NRK: variants seen among roughly 807,000 people sequenced by gnomAD.
The protein encoded by NRK is nik-related protein kinase.
A neutral mutation model predicts 125.2 loss-of-function variants in NRK; 67 were observed. The ratio of observed to expected loss-of-function variants is 0.54; its 90% CI spans 0.44 to 0.66. The LOEUF is 0.66. Ranked by LOEUF, NRK falls within the 30% of genes least tolerant of loss-of-function variation. The pLI, the probability that NRK is intolerant of heterozygous loss-of-function variation, is 0.00. For synonymous variants in NRK, 458 were observed against 429.0 expected (o/e 1.07, Z -0.84); for missense variants, 1,224 against 1,192.9 (o/e 1.03, Z -0.38).
intron 15 of NRK, among the ~76,000 whole-genome samples, chrX:105,917,184 G>A (rs1448064924): frequency 9.0e-6 from 1 of 110,794 alleles, no homozygotes; most frequent in Non-Finnish European, 1.9e-5. Context: ...AATAACAATA[G>A]AATATATGAC....
At position 105,905,255 on chromosome X, in the gene NRK, C is replaced by G. The variant is rs1416017375; in HGVS notation, c.767-10C>G. 5 of 1,185,208 alleles carry G rather than the reference C, an allele frequency of 4.2e-6. No individual in the cohort carries two copies. Among genetic ancestry groups the G allele is most frequent in the Non-Finnish European group, 5.7e-6 (5 of 873,825 alleles). ...TCATTCTTTCTAAATTTATCTATTT[C>G]CCTTTGCAGCTCTGTGTAACCTTCA... On this transcript the variant is annotated splice_polypyrimidine_tract_variant and intron_variant, in intron 9 of 28. Transcript: ENST00000243300.
intron 2 of NRK, 48 bp downstream of exon 2, chrX:105,831,167 C>A: frequency 2.5e-6 from 2 of 800,588 alleles, no homozygotes; most frequent in East Asian, 3.2e-5. Flanking sequence ...CTAATGACAA[C>A]AAAGATTGTG....
intron 2 of NRK, among the ~76,000 whole-genome samples, chrX:105,862,019 C>T (rs971248944): frequency 1.9e-4 from 21 of 112,050 alleles, no homozygotes; most frequent in Non-Finnish European, 2.6e-4. Context: ...GCCGAGATTG[C>T]GCCACTGCAC....
intron 2 of NRK, among the ~76,000 whole-genome samples, chrX:105,843,722 C>T (rs1204335301): frequency 4.5e-5 from 5 of 111,253 alleles, no homozygotes; most frequent in Admixed American, 9.6e-5. Context: ...GAGTCTCATA[C>T]CATCAGGAAG....
chrX:105,857,983 C>A (rs926393369), intron 2 of NRK, among the ~76,000 whole-genome samples: 1 of 110,966 alleles, frequency 9.0e-6, no homozygotes, highest in African/African-American at 3.3e-5. Context: ...CTGAGGAACC[C>A]TACCTGATTG....
intron 2 of NRK, among the ~76,000 whole-genome samples, chrX:105,855,338 G>T (rs761253795): frequency 6.2e-5 from 7 of 112,003 alleles, no homozygotes; most frequent in African/African-American, 2.3e-4. Context: ...AACTAGAAGA[G>T]CATAAAGAAA....
intron 23 of NRK, among the ~76,000 whole-genome samples, chrX:105,943,355 C>T (rs1010464046): frequency 2.7e-5 from 3 of 111,790 alleles, no homozygotes; most frequent in African/African-American, 9.8e-5. Flanking sequence ...TTTGCCAACT[C>T]CCAATTTTAT....
At chrX:105,823,083 C>T (rs961776398) in intron 1 of NRK, among the ~76,000 whole-genome samples, 181 bp downstream of exon 1, 2 of 113,012 alleles carry the variant, frequency 1.8e-5, no homozygotes, top group African/African-American at 6.4e-5. Context: ...ACCGGGACCG[C>T]ACCAAACTCC....
rs202170693 is a variant in NRK at position 105,915,775 on chromosome X, C to T, written c.2395C>T (p.His799Tyr). The T allele has an allele frequency of 1.4e-4, 157 of 1,139,228 alleles. No individual in the cohort carries two copies. The highest frequency in any genetic ancestry group is 1.8e-4 in the Non-Finnish European group (147 of 833,884). The allele number at this position is 1,139,228 out of a possible 1,213,427, so 93.9% of individuals were successfully genotyped here. The stretch of plus-strand genomic sequence containing the variant: ...TGTGCCTAACAACCAGGATCATGCA[C>T]ATCATGTCAAGTTCTCTTCAAGGTA... ...PSVPNNQDHA[H>Y]HVKFSSSVPQ... Residue 799 changes from histidine (H) to tyrosine (Y), a missense_variant, in exon 15 of 29, where the codon CAT becomes TAT. His to Tyr is a moderately conservative substitution (Grantham distance 83). Transcript: ENST00000243300.
rs1390312214 is a variant in NRK, at chrX:105,922,060, A to G, written c.2609A>G (p.His870Arg). The G allele has an allele frequency of 9.6e-7, 1 of 1,042,666 alleles. No individual in the cohort carries two copies. The highest frequency in any genetic ancestry group is 1.3e-6 in the Non-Finnish European group (1 of 746,286). 85.9% of individuals were successfully genotyped at this position (1,042,666 alleles called of 1,213,427 possible). Residue 870 changes from histidine to arginine, a missense_variant and splice_region_variant, in exon 17 of 29, where the codon CAT becomes CGT. His to Arg is a conservative substitution (Grantham distance 29). Coordinates refer to ENST00000243300, the MANE Select transcript of NRK (RefSeq NM_198465.4). ...GATCAGAAGTTGCTGGTTGACATCCATGTAAGTTTCCATCTTAACACATTA... is the reference window on the plus strand; with the variant it reads ...GATCAGAAGTTGCTGGTTGACATCCGTGTAAGTTTCCATCTTAACACATTA... ...TIDQKLLVDIHVPDGFKVGKI... is the reference protein window; with the variant it reads ...TIDQKLLVDIRVPDGFKVGKI...
chrX:105,949,813 C>T (rs1248384881), intron 27 of NRK, 79 bp downstream of exon 27: 1 of 637,513 alleles, frequency 1.6e-6, no homozygotes, highest in Non-Finnish European at 2.3e-6. Context: ...GAAAAGATTT[C>T]CTGAATTATT....
At chrX:105,874,030 TG>T (rs1240861884) in intron 2 of NRK, among the ~76,000 whole-genome samples, 1 of 112,051 alleles carries the variant, frequency 8.9e-6, no homozygotes, top group Admixed American at 9.5e-5. Flanking sequence ...AATGCCCTAT[TG>T]TTTTTTTTCT....
chrX:105,866,412 A>G (rs1330169706), intron 2 of NRK, among the ~76,000 whole-genome samples: 1 of 111,979 alleles, frequency 8.9e-6, no homozygotes, highest in East Asian at 2.8e-4. Context: ...CTAAAAAATA[A>G]TCAAGGTTAG....
In NRK at chrX:105,909,851, A is replaced by G; in HGVS notation, c.2210A>G (p.Gln737Arg). ...RQRRWEDIFN[Q>R]HEEELRQVDK... ...CGCAGATGGGAAGATATCTTTAATC[A>G]GCATGAGGAAGAATTGAGACAAGTT... The change falls in exon 13 of 29, where the codon CAG (glutamine) becomes CGG (arginine). Residue 737 changes from glutamine (Q) to arginine (R), a missense_variant. Gln to Arg is a conservative substitution (Grantham distance 43). Coordinates refer to ENST00000243300, the MANE Select transcript of NRK (RefSeq NM_198465.4). 1 of 1,146,375 alleles carries G rather than the reference A, an allele frequency of 8.7e-7. No homozygotes were observed. Among genetic ancestry groups the G allele is most frequent in the Non-Finnish European group, 1.2e-6 (1 of 859,479 alleles). The allele number at this position is 1,146,375 out of a possible 1,213,427, so 94.5% of individuals were successfully genotyped here.
intron 7 of NRK, among the ~76,000 whole-genome samples, chrX:105,896,592 C>T (rs1291564329): frequency 1.8e-5 from 2 of 111,198 alleles, no homozygotes; most frequent in Non-Finnish European, 3.8e-5. Flanking sequence ...ATAATCCCAT[C>T]ATTTTAGGAG....
At chrX:105,934,888 G>A (rs1034681931) in intron 20 of NRK, among the ~76,000 whole-genome samples, 6 of 111,601 alleles carry the variant, frequency 5.4e-5, no homozygotes, top group African/African-American at 2.0e-4. Context: ...ATGGTACATG[G>A]TAGCCTCAAC....
intron 2 of NRK, among the ~76,000 whole-genome samples, chrX:105,858,705 G>A (rs1352248467): frequency 7.2e-5 from 8 of 110,902 alleles, no homozygotes; most frequent in Admixed American, 3.9e-4. Context: ...AGGGTAGGAG[G>A]GGGAAGTAGG....
intron 9 of NRK, among the ~76,000 whole-genome samples, chrX:105,902,373 G>T (rs2040169958): frequency 2.7e-5 from 3 of 111,569 alleles, no homozygotes; most frequent in African/African-American, 9.8e-5. Context: ...TTTTACCGGT[G>T]TCCTTTGTTG....
chrX:105,908,707 C>A lies in NRK; in HGVS notation c.1086-20C>A. 1 of 1,160,479 alleles carries A rather than the reference C, an allele frequency of 8.6e-7. No homozygotes were observed. The highest frequency in any genetic ancestry group is 1.2e-6 in the Non-Finnish European group (1 of 867,884). On this transcript the variant is annotated intron_variant, in intron 12 of 28. Coordinates refer to ENST00000243300, the MANE Select transcript of NRK (RefSeq NM_198465.4). ...CTAAAAATTCTAATTGTATGCCAAT[C>A]ATTTGTGTGTTTATTTTAGAGGACC...
Sources: gnomAD v4.1 joint callset for allele counts (sites outside exome capture counted in the v4.1 genomes callset) on GRCh38, gnomAD v4.1.1 for gene constraint, MANE v1.5 for transcripts, NCBI Gene and HGNC (gene_info 2026-07-23, HGNC 2026-07-21) for gene names.